SH3BP4: variants seen among roughly 807,000 people sequenced by gnomAD.
The protein encoded by SH3BP4 is SH3 domain binding protein 4, also known as SH3 domain-binding protein 4.
In SH3BP4, 33 loss-of-function variants were observed where a neutral mutation model predicts 65.5. That is an observed-to-expected ratio of 0.50 (90% CI 0.38 to 0.67). The LOEUF (loss-of-function observed/expected upper bound fraction) is 0.67. Among genes scored for constraint, SH3BP4 ranks in the 30% least tolerant of loss-of-function variants. SH3BP4 has a pLI of 0.00. For missense variants in SH3BP4, 1,134 were observed against 1,261.4 expected, an observed-to-expected ratio of 0.90 and a Z score of 1.53; for synonymous variants, 552 against 545.5, an observed-to-expected ratio of 1.01 and a Z score of -0.17.
At position 234,999,732 on chromosome 2, in the gene SH3BP4, A is replaced by G. The variant is rs116735542; in HGVS notation, c.-133+4356A>G. On this transcript the variant is annotated intron_variant, in intron 2 of 5. Transcript: ENST00000392011. ...AAGACACCCTCAGACTTGCTCAAGA[A>G]GAAAACAGGGCAGGATTATTGGAAT... is the stretch of plus-strand genomic sequence containing the variant. Among the ~76,000 whole-genome samples, 767 of 152,372 alleles carry G rather than the reference A, an allele frequency of 5.0e-3. 6 individuals carry two copies. Among genetic ancestry groups the G allele is most frequent in the African/African-American group, 0.017 (726 of 41,582 alleles).
chr2:234,960,200 T>C (rs1692675088), intron 1 of SH3BP4, among the ~76,000 whole-genome samples: 1 of 152,250 alleles, frequency 6.6e-6, no homozygotes, highest in South Asian at 2.1e-4. Context: ...CCAGGGCCTA[T>C]GCCCCATTGC....
At chr2:235,015,892 A>G (rs1188055330) in intron 2 of SH3BP4, among the ~76,000 whole-genome samples, 1 of 151,918 alleles carries the variant, frequency 6.6e-6, no homozygotes, top group East Asian at 1.9e-4. Context: ...GCGCCTTGCT[A>G]GTTGATCTTG....
rs1047121234 is a variant in SH3BP4, at chr2:234,997,042, C to T, written c.-133+1666C>T. ...TCCCACAGCGGTGCCCGCTTGTCTCCGTGGCGGGCACACAGGCTTCCGGGA... is the reference window on the plus strand; with the variant it reads ...TCCCACAGCGGTGCCCGCTTGTCTCTGTGGCGGGCACACAGGCTTCCGGGA... On this transcript the variant is annotated intron_variant, in intron 2 of 5. Transcript: ENST00000392011. The surrounding 1 kb of genome is among the most constrained non-coding windows in gnomAD (Gnocchi z 4.2). Among the ~76,000 whole-genome samples the T allele has an allele frequency of 2.0e-5, 3 of 152,236 alleles. No individual in the cohort carries two copies. The highest frequency in any genetic ancestry group is 4.4e-5 in the Non-Finnish European group (3 of 68,042).
At chr2:235,021,977 T>C (rs941622606) in intron 2 of SH3BP4, among the ~76,000 whole-genome samples, 1 of 152,204 alleles carries the variant, frequency 6.6e-6, no homozygotes, top group African/African-American at 2.4e-5. Flanking sequence ...ATAAATTCTT[T>C]GTACATTAAT....
Position 234,978,618 on chromosome 2 carries a change from C to T in SH3BP4, c.-206-16685C>T, listed in dbSNP as rs1326896923. 1 of 152,184 alleles carries T rather than the reference C, an allele frequency of 6.6e-6. No individual in the cohort carries two copies. The highest frequency in any genetic ancestry group is 2.4e-5 in the African/African-American group (1 of 41,434). The allele number at this position is 152,184 out of a possible 1,614,324, so 9.4% of individuals were successfully genotyped here. On this transcript the variant is annotated intron_variant, in intron 1 of 5. Transcript: ENST00000392011. The surrounding 1 kb of genome is among the most constrained non-coding windows in gnomAD (Gnocchi z 4.1). Reference sequence around the variant, plus strand: ...GACATTGGCATGATTGAATCAGTGCCAGAGCCAAACAGGATGTGGTTCTGG... The same window carrying T: ...GACATTGGCATGATTGAATCAGTGCTAGAGCCAAACAGGATGTGGTTCTGG...
chr2:235,050,282 A>T (rs759569698), intron 4 of SH3BP4, among the ~76,000 whole-genome samples: 2 of 151,498 alleles, frequency 1.3e-5, no homozygotes, highest in Admixed American at 6.6e-5. Context: ...CACCCGGCTA[A>T]TTTTTTTTGT....
At chr2:234,985,796 C>T (rs1693534840) in intron 1 of SH3BP4, among the ~76,000 whole-genome samples, 1 of 151,832 alleles carries the variant, frequency 6.6e-6, no homozygotes, top group Non-Finnish European at 1.5e-5. Context: ...GCAGGTGAAC[C>T]AGCCTGTGAC....
chr2:235,025,816 G>T (rs1404268058), intron 2 of SH3BP4, among the ~76,000 whole-genome samples: 1 of 152,206 alleles, frequency 6.6e-6, no homozygotes, highest in Non-Finnish European at 1.5e-5. Context: ...GTTTCAGGGG[G>T]TCATTCTCCA....
At chr2:234,966,301 C>G (rs113680386) in intron 1 of SH3BP4, among the ~76,000 whole-genome samples, 2,330 of 152,068 alleles carry the variant, frequency 0.015, 52 homozygotes, top group African/African-American at 0.053. Flanking sequence ...CCCAGGAGGT[C>G]GAAGTTGCAG....
At position 234,978,745 on chromosome 2, in the gene SH3BP4, C is replaced by G. The variant is rs1693253812; in HGVS notation, c.-206-16558C>G. On this transcript the variant is annotated intron_variant, in intron 1 of 5. Transcript: ENST00000392011. This position sits in a 1 kb window ranked among gnomAD's most constrained non-coding sequence, Gnocchi z 4.1. ...CCCAACAGTAGGGTGCTTCGAGGTC[C>G]TGGAGGGGAGCCCTGGCCCTGTGGA... The G allele has an allele frequency of 6.6e-6, 1 of 152,192 alleles. No individual in the cohort carries two copies. The highest frequency in any genetic ancestry group is 2.4e-5 in the African/African-American group (1 of 41,424). 9.4% of individuals were successfully genotyped at this position (152,192 alleles called of 1,614,324 possible).
intron 2 of SH3BP4, among the ~76,000 whole-genome samples, chr2:235,028,299 C>T (rs767136714): frequency 6.6e-6 from 1 of 152,180 alleles, no homozygotes; most frequent in Non-Finnish European, 1.5e-5. Context: ...TGCAGGCTGT[C>T]CTGGAGAAGT....
In SH3BP4 at chr2:235,052,475, T is replaced by G; in HGVS notation, c.2479-87T>G. On this transcript the variant is annotated intron_variant, in intron 4 of 5. Coordinates refer to ENST00000392011, the MANE Select transcript of SH3BP4 (RefSeq NM_014521.3). This position sits in a 1 kb window ranked among gnomAD's most constrained non-coding sequence, Gnocchi z 5.0. ...TGGAGAATAGAGAGCCCATGGCCAT[T>G]CCTGCGCCGTCTGCTGGAATTCTGC... The G allele has an allele frequency of 9.1e-7, 1 of 1,099,926 alleles. No homozygotes were observed. The highest frequency in any genetic ancestry group is 1.3e-6 in the Non-Finnish European group (1 of 788,838). 68.1% of individuals were successfully genotyped at this position (1,099,926 alleles called of 1,614,324 possible).
At position 235,053,608 on chromosome 2, in the gene SH3BP4, C is replaced by T. The variant is rs986761903; in HGVS notation, c.2684C>T (p.Ala895Val). ...VVDSEAMWKP[A>V]YDFLLTWSHQ... ...ACCTCCCAGGCCATGTGGAAGCCTG[C>T]GTATGACTTCTTACTCACCTGGAGC... The change falls in exon 6 of 6, where the codon GCG (alanine) becomes GTG (valine). Residue 895 changes from alanine to valine, a missense_variant. Transcript: ENST00000392011. 9 of 1,613,896 alleles carry T rather than the reference C, an allele frequency of 5.6e-6. No individual in the cohort carries two copies. The highest frequency in any genetic ancestry group is 7.6e-6 in the Non-Finnish European group (9 of 1,179,938).
intron 1 of SH3BP4, among the ~76,000 whole-genome samples, chr2:234,971,826 CT>C (rs981794036): frequency 2.0e-5 from 3 of 150,728 alleles, no homozygotes; most frequent in African/African-American, 4.9e-5. Flanking sequence ...TTTTTCTTTT[CT>C]TTTTTTTTGA....
rs191443083 is a variant in SH3BP4 at position 234,984,913 on chromosome 2, G to T, written c.-206-10390G>T. On this transcript the variant is annotated intron_variant, in intron 1 of 5. Transcript: ENST00000392011. Reference sequence around the variant, plus strand: ...TAATCGGGGGTCAGCTACTGAGCTAGTGGCCACTGTTAACCAACTATTAGG... The same window carrying T: ...TAATCGGGGGTCAGCTACTGAGCTATTGGCCACTGTTAACCAACTATTAGG... Among the ~76,000 whole-genome samples the T allele has an allele frequency of 1.2e-4, 18 of 152,304 alleles. No homozygotes were observed. In the East Asian group the frequency reaches 3.5e-3, roughly 30 times the overall value.
chr2:234,957,450 C>T (rs1270437978), intron 1 of SH3BP4, among the ~76,000 whole-genome samples: 1 of 151,812 alleles, frequency 6.6e-6, no homozygotes, highest in Non-Finnish European at 1.5e-5. Flanking sequence ...GCTTCCCCTT[C>T]CGTCACCCCC....
intron 2 of SH3BP4, among the ~76,000 whole-genome samples, chr2:235,032,334 G>A (rs1275541568): frequency 6.6e-6 from 1 of 152,242 alleles, no homozygotes; most frequent in African/African-American, 2.4e-5. Flanking sequence ...ACACGTGAAA[G>A]GCCACATGGC....
intron 1 of SH3BP4, among the ~76,000 whole-genome samples, chr2:234,955,927 C>G (rs976721030): frequency 4.6e-5 from 7 of 152,126 alleles, no homozygotes; most frequent in Non-Finnish European, 7.3e-5. Flanking sequence ...GGATTTGAAC[C>G]TGGATCTGTC....
intron 1 of SH3BP4, among the ~76,000 whole-genome samples, chr2:234,963,205 C>T (rs1692755766): frequency 6.6e-6 from 1 of 152,086 alleles, no homozygotes; most frequent in South Asian, 2.1e-4. Context: ...TAGACACTTC[C>T]CAGTTATTTT....
Sources: gnomAD v4.1 joint callset for allele counts (sites outside exome capture counted in the v4.1 genomes callset) on GRCh38, gnomAD v4.1.1 for gene constraint, Gnocchi (gnomAD v3.1) non-coding constraint, MANE v1.5 for transcripts, NCBI Gene and HGNC (gene_info 2026-07-23, HGNC 2026-07-21) for gene names.